The following MBD5 variants were observed in gnomAD, a reference collection of about 807,000 sequenced individuals.
MBD5 encodes methyl-CpG-binding domain protein 5.
In MBD5, 13 loss-of-function variants were observed where a neutral mutation model predicts 117.3. The observed-to-expected ratio is 0.11, with a 90% confidence interval of 0.07 to 0.18. MBD5 has a LOEUF of 0.18. MBD5 is among the 10% of genes least tolerant of loss of function. The pLI, the probability that MBD5 is intolerant of heterozygous loss-of-function variation, is 1.00. For synonymous variants in MBD5, 727 were observed against 766.4 expected (o/e 0.95, Z 0.85); for missense variants, 1,879 against 2,093.8 (o/e 0.90, Z 2.00).
At chr2:148,182,606 C>G (rs773404271) in intron 2 of MBD5, among the ~76,000 whole-genome samples, 10 of 152,328 alleles carry the variant, frequency 6.6e-5, no homozygotes, top group Admixed American at 2.0e-4. Flanking sequence ...TTAATGTGTG[C>G]TAACTCAAAT....
Position 148,371,496 on chromosome 2 carries a change from C to T in MBD5, c.-557+29160C>T, listed in dbSNP as rs73965358. Among the ~76,000 whole-genome samples the T allele has an allele frequency of 7.7e-3, 1,164 of 152,136 alleles. 10 individuals are homozygous for T. Among genetic ancestry groups the T allele is most frequent in the African/African-American group, 0.027 (1,103 of 41,522 alleles). On this transcript the variant is annotated intron_variant, in intron 4 of 13. Coordinates refer to ENST00000642680, the MANE Select transcript of MBD5 (RefSeq NM_001378120.1). ...ATATAAAGTTACACTGTATCAACAA[C>T]CAACAGATGGAGAAAAAGAACACTC...
At chr2:148,045,974 C>CTTTTT (rs59672002) in intron 1 of MBD5, among the ~76,000 whole-genome samples, 2 of 77,482 alleles carry the variant, frequency 2.6e-5, no homozygotes, top group Non-Finnish European at 4.8e-5. Context: ...AATGAAGTGC[C>CTTTTT]TTTTTTTTTT....
At chr2:148,223,611 T>A (rs1441936121) in intron 2 of MBD5, among the ~76,000 whole-genome samples, 2 of 151,672 alleles carry the variant, frequency 1.3e-5, no homozygotes, top group Non-Finnish European at 1.5e-5. Flanking sequence ...AATGTCTCCA[T>A]CTTCATCTCT....
chr2:148,061,410 C>T (rs1695031020), intron 1 of MBD5, among the ~76,000 whole-genome samples: 1 of 152,014 alleles, frequency 6.6e-6, no homozygotes, highest in Non-Finnish European at 1.5e-5. Context: ...CTTTCCTCTA[C>T]CCTTCCCCCA....
intron 4 of MBD5, among the ~76,000 whole-genome samples, chr2:148,449,617 G>A (rs1353571151): frequency 2.0e-5 from 3 of 151,778 alleles, no homozygotes; most frequent in African/African-American, 7.3e-5. Context: ...ACACCCAGAG[G>A]CATTTTAGAA....
At position 148,086,129 on chromosome 2, in the gene MBD5, C is replaced by G. The variant is rs1238800; in HGVS notation, c.-925+64445C>G. 7.3e-5 allele frequency among the ~76,000 whole-genome samples: 11 copies of G among 151,650 alleles called. No homozygotes were observed. In the East Asian group the frequency reaches 2.1e-3, roughly 30 times the overall value. ...TTGCATCATATATATAGTATATGTACTATATAGCCTTTCTAAAATTAAATA... is the reference window on the plus strand; with the variant it reads ...TTGCATCATATATATAGTATATGTAGTATATAGCCTTTCTAAAATTAAATA... On this transcript the variant is annotated intron_variant, in intron 1 of 13. Transcript: ENST00000642680.
At chr2:148,371,828 T>C (rs1703859729) in intron 4 of MBD5, among the ~76,000 whole-genome samples, 1 of 152,162 alleles carries the variant, frequency 6.6e-6, no homozygotes, top group Non-Finnish European at 1.5e-5. Flanking sequence ...TCTCTTATTA[T>C]ACATGTAGTG....
chr2:148,119,419 C>G (rs1696713634), intron 1 of MBD5, among the ~76,000 whole-genome samples: 1 of 152,050 alleles, frequency 6.6e-6, no homozygotes, highest in Non-Finnish European at 1.5e-5. Flanking sequence ...GTTTTTTAAT[C>G]CTATGTGATT....
At chr2:148,283,505 G>A (rs530072477) in intron 3 of MBD5, among the ~76,000 whole-genome samples, 1 of 152,226 alleles carries the variant, frequency 6.6e-6, no homozygotes, top group East Asian at 1.9e-4. Context: ...GCAGAAATAG[G>A]CAGCCTAATT....
At position 148,158,944 on chromosome 2, in the gene MBD5, G is replaced by A. The variant is rs763340410; in HGVS notation, c.-924-19756G>A. 6.6e-5 allele frequency among the ~76,000 whole-genome samples: 10 copies of A among 152,266 alleles called. No homozygotes were observed. The East Asian group carries it at 9.7e-4, about 15-fold the overall frequency. On this transcript the variant is annotated intron_variant, in intron 1 of 13. Coordinates refer to ENST00000642680, the MANE Select transcript of MBD5 (RefSeq NM_001378120.1). ...TCATCGTGTTAGCCAGGATGGTCTCGATCTCCTGACCTTGTGATCTGCCCG... is the reference window on the plus strand; with the variant it reads ...TCATCGTGTTAGCCAGGATGGTCTCAATCTCCTGACCTTGTGATCTGCCCG...
intron 4 of MBD5, among the ~76,000 whole-genome samples, chr2:148,422,010 G>C (rs1705622926): frequency 1.3e-5 from 2 of 152,210 alleles, no homozygotes; most frequent in South Asian, 4.1e-4. Flanking sequence ...TGCAGCTTCA[G>C]CAGACTTAAA....
intron 2 of MBD5, among the ~76,000 whole-genome samples, chr2:148,226,172 T>C (rs1285613666): frequency 6.6e-6 from 1 of 152,114 alleles, no homozygotes; most frequent in Non-Finnish European, 1.5e-5. Context: ...TGCAGGTTTG[T>C]TATGTATGTT....
At chr2:148,098,922 G>A (rs928737198) in intron 1 of MBD5, among the ~76,000 whole-genome samples, 1 of 152,040 alleles carries the variant, frequency 6.6e-6, no homozygotes, top group African/African-American at 2.4e-5. Context: ...AGGCGTGGTG[G>A]GACACACCTG....
intron 3 of MBD5, among the ~76,000 whole-genome samples, chr2:148,289,294 T>C (rs1255878725): frequency 6.6e-6 from 1 of 152,226 alleles, no homozygotes. Context: ...TCTCCTTTTA[T>C]GAAACTTATA....
intron 1 of MBD5, among the ~76,000 whole-genome samples, chr2:148,121,832 T>A (rs1013253916): frequency 6.6e-6 from 1 of 152,126 alleles, no homozygotes. Context: ...TTTAAAAAAA[T>A]TATTTTGTAC....
At chr2:148,421,013 G>T (rs1459578124) in intron 4 of MBD5, among the ~76,000 whole-genome samples, 1 of 152,182 alleles carries the variant, frequency 6.6e-6, no homozygotes, top group Non-Finnish European at 1.5e-5. Flanking sequence ...ACAGGCATGA[G>T]CCACTACACC....
intron 4 of MBD5, among the ~76,000 whole-genome samples, chr2:148,436,616 C>T (rs959876979): frequency 3.3e-5 from 5 of 152,134 alleles, no homozygotes; most frequent in African/African-American, 1.2e-4. Context: ...AGGTGATCTG[C>T]CTGCCTCAGC....
At chr2:148,262,502 A>T (rs1700754999) in intron 3 of MBD5, among the ~76,000 whole-genome samples, 1 of 152,200 alleles carries the variant, frequency 6.6e-6, no homozygotes, top group Non-Finnish European at 1.5e-5. Flanking sequence ...TCATTCATGT[A>T]ACCCTCACAG....
At chr2:148,053,051 T>A (rs896057909) in intron 1 of MBD5, among the ~76,000 whole-genome samples, 4 of 151,970 alleles carry the variant, frequency 2.6e-5, no homozygotes, top group African/African-American at 9.7e-5. Context: ...CTAGGATTGT[T>A]CAAGCCTTCT....
Sources: allele counts gnomAD v4.1 joint callset (sites outside exome capture counted in the v4.1 genomes callset), GRCh38; gene constraint gnomAD v4.1.1; transcripts MANE v1.5; gene names NCBI Gene and HGNC (gene_info 2026-07-23, HGNC 2026-07-21).